The following FAM193A variants were observed in gnomAD, a reference collection of about 807,000 sequenced individuals.
The protein encoded by FAM193A is family with sequence similarity 193 member A.
A neutral mutation model predicts 126.5 loss-of-function variants in FAM193A; 22 were observed. The ratio of observed to expected loss-of-function variants is 0.17; its 90% CI spans 0.12 to 0.25. The LOEUF (loss-of-function observed/expected upper bound fraction) is 0.25, where lower values mean the gene tolerates loss of function less well. Among genes scored for constraint, FAM193A ranks in the 10% least tolerant of loss-of-function variants. FAM193A has a pLI of 1.00. For missense variants in FAM193A, 1,675 were observed against 1,672.8 expected (o/e 1.00, Z -0.02); for synonymous variants, 761 against 646.8 (o/e 1.18, Z -2.68).
At position 2,639,868 on chromosome 4, in the gene FAM193A, C is replaced by T. The variant is rs958058030; in HGVS notation, c.1163+9C>T. 1 of 1,612,608 alleles carries T rather than the reference C, an allele frequency of 6.2e-7. No homozygotes were observed. The highest frequency in any genetic ancestry group is 8.5e-7 in the Non-Finnish European group (1 of 1,179,250). On this transcript the variant is annotated intron_variant, in intron 6 of 20. Transcript: ENST00000637812. ...CTGGTGTCACAGATCAGGTATTTTG[C>T]CTTAACCCGTATGTGTCTTTGTGGT...
rs1257524267 is a variant in FAM193A, at chr4:2,625,330, C to T, written c.570C>T (p.Leu190=). The T allele has an allele frequency of 7.1e-6, 5 of 703,044 alleles. No homozygotes were observed. Among genetic ancestry groups the T allele is most frequent in the South Asian group, 1.5e-5 (1 of 67,602 alleles). The allele number at this position is 703,044 out of a possible 1,614,324, so 43.6% of individuals were successfully genotyped here. Residue 190 remains leucine, a synonymous_variant, in exon 3 of 21, where the codon CTC becomes CTT. Coordinates refer to ENST00000637812, the MANE Select transcript of FAM193A (RefSeq NM_001366318.2). ...SQPEAGSGGR[L]ALGAQTLPSD... ...CAGAGGCCGGCAGTGGTGGGAGGCT[C>T]GCTCTGGGTGCACAGACGCTGCCTT...
intron 20 of FAM193A, among the ~76,000 whole-genome samples, chr4:2,717,837 A>G (rs1172938579): frequency 2.6e-5 from 4 of 151,262 alleles, no homozygotes; most frequent in Non-Finnish European, 5.9e-5. Flanking sequence ...TATTTTTAGT[A>G]GAGACGAGGT....
chr4:2,563,034 T>G (rs532804466), intron 1 of FAM193A, among the ~76,000 whole-genome samples: 1 of 152,008 alleles, frequency 6.6e-6, no homozygotes, highest in East Asian at 1.9e-4. Context: ...AACCTCTGCC[T>G]CCCAGATTCA....
chr4:2,639,288 A>G (rs1023114638), intron 5 of FAM193A, among the ~76,000 whole-genome samples: 1 of 152,200 alleles, frequency 6.6e-6, no homozygotes, highest in African/African-American at 2.4e-5. Context: ...AATTGTGTGT[A>G]TTAATTAGAA....
At chr4:2,637,472 GA>G (rs1338130976) in intron 5 of FAM193A, among the ~76,000 whole-genome samples, 1 of 152,170 alleles carries the variant, frequency 6.6e-6, no homozygotes, top group Non-Finnish European at 1.5e-5. Flanking sequence ...CATCGACAAA[GA>G]CAGAAAGATC....
At chr4:2,634,914 C>T (rs1411238658) in intron 5 of FAM193A, among the ~76,000 whole-genome samples, 1 of 152,278 alleles carries the variant, frequency 6.6e-6, no homozygotes, top group African/African-American at 2.4e-5. Flanking sequence ...TACCCAGATG[C>T]GCAGTTAATC....
intron 5 of FAM193A, among the ~76,000 whole-genome samples, chr4:2,635,974 A>G (rs959689289): frequency 6.6e-6 from 1 of 151,812 alleles, no homozygotes; most frequent in African/African-American, 2.4e-5. Context: ...AACTTTTTAC[A>G]GATAATGTAG....
chr4:2,547,106 G>A (rs766506795), intron 1 of FAM193A, among the ~76,000 whole-genome samples: 2 of 152,106 alleles, frequency 1.3e-5, no homozygotes, highest in Non-Finnish European at 2.9e-5. Flanking sequence ...CCTTTTTGTG[G>A]GCTGGGCGTG....
chr4:2,538,139 T>C (rs1737001812), intron 1 of FAM193A, among the ~76,000 whole-genome samples: 1 of 152,166 alleles, frequency 6.6e-6, no homozygotes. Flanking sequence ...GATATTGCAA[T>C]TAAAAAATGA....
rs1743521063 is a variant in FAM193A at position 2,631,052 on chromosome 4, G to A, written c.921G>A (p.Lys307=). Residue 307 remains lysine, a synonymous_variant, in exon 5 of 21, where the codon AAG becomes AAA. Coordinates refer to ENST00000637812, the MANE Select transcript of FAM193A (RefSeq NM_001366318.2). The part of the protein sequence containing the change: ...LRQLSAAAKV[K]APSGLQGPPQ... ...AGCTGTCGGCTGCGGCCAAGGTGAA[G>A]GCACCATCTGGCCTGCAGGGCCCGC... is the stretch of plus-strand genomic sequence containing the variant. 6.2e-7 allele frequency: 1 copy of A among 1,613,444 alleles called. No homozygotes were observed. The highest frequency in any genetic ancestry group is 8.5e-7 in the Non-Finnish European group (1 of 1,180,032).
intron 1 of FAM193A, among the ~76,000 whole-genome samples, chr4:2,564,262 T>G (rs946415044): frequency 1.3e-5 from 2 of 152,044 alleles, no homozygotes; most frequent in African/African-American, 4.8e-5. Context: ...TTTTTATTTT[T>G]TGTAGAGACG....
Position 2,659,579 on chromosome 4 carries a change from A to T in FAM193A, c.1411A>T (p.Thr471Ser), listed in dbSNP as rs762935808. ...CTAGTTAACCAATAAGAAAGCAGTT[A>T]CTGGCGAGAACAACTTCACAGACAC... is the stretch of plus-strand genomic sequence containing the variant. ...EEQLTNKKAV[T>S]GENNFTDTMR... The change falls in exon 9 of 21, where the codon ACT (threonine) becomes TCT (serine). Residue 471 changes from threonine to serine, a missense_variant. Physicochemically the swap from Thr to Ser is moderately conservative, Grantham distance 58 (BLOSUM62 1). Transcript: ENST00000637812. 3.1e-6 allele frequency: 5 copies of T among 1,613,960 alleles called. No individual in the cohort carries two copies. The Admixed American group carries it at 6.7e-5, about 22-fold the overall frequency.
At chr4:2,714,509 C>G (rs957047781) in intron 19 of FAM193A, among the ~76,000 whole-genome samples, 1 of 152,138 alleles carries the variant, frequency 6.6e-6, no homozygotes, top group African/African-American at 2.4e-5. Flanking sequence ...TCCTAGACCA[C>G]CCAGTCCCAG....
intron 10 of FAM193A, among the ~76,000 whole-genome samples, chr4:2,660,450 G>C (rs771000844): frequency 6.6e-6 from 1 of 152,182 alleles, no homozygotes; most frequent in Non-Finnish European, 1.5e-5. Context: ...TTAGCAAGCA[G>C]TTGAAGGTTT....
intron 20 of FAM193A, among the ~76,000 whole-genome samples, chr4:2,720,612 C>G (rs1720024343): frequency 6.7e-6 from 1 of 149,812 alleles, no homozygotes; most frequent in Admixed American, 6.7e-5. Flanking sequence ...AGATGCACCA[C>G]TGTGCTCCAG....
In FAM193A at chr4:2,672,184, C is replaced by G. The variant is rs1252526852; in HGVS notation, c.2143C>G (p.Pro715Ala). The G allele has an allele frequency of 6.2e-7, 1 of 1,614,052 alleles. No individual in the cohort carries two copies. The highest frequency in any genetic ancestry group is 1.3e-5 in the African/African-American group (1 of 74,928). The change falls in exon 13 of 21, where the codon CCA becomes GCA. Residue 715 changes from proline to alanine, a missense_variant. Physicochemically the swap from Pro to Ala is conservative, Grantham distance 27. Coordinates refer to ENST00000637812, the MANE Select transcript of FAM193A (RefSeq NM_001366318.2). ...VCKQEASGLT[P>A]SAMTAGALPP... ...TAAGCAGGAAGCTTCTGGACTGACACCATCTGCAATGACAGCCGGAGCCCT... is the reference window on the plus strand; with the variant it reads ...TAAGCAGGAAGCTTCTGGACTGACAGCATCTGCAATGACAGCCGGAGCCCT...
At chr4:2,712,270 G>A (rs1719062430) in intron 19 of FAM193A, among the ~76,000 whole-genome samples, 2 of 152,174 alleles carry the variant, frequency 1.3e-5, no homozygotes, top group East Asian at 1.9e-4. Flanking sequence ...CATTAATTCT[G>A]TTGTTTAGTC....
intron 1 of FAM193A, among the ~76,000 whole-genome samples, chr4:2,549,376 C>T (rs539738461): frequency 3.3e-5 from 5 of 150,478 alleles, no homozygotes; most frequent in Non-Finnish European, 7.4e-5. Flanking sequence ...ATTTTTTTCC[C>T]TCTATGTTTT....
chr4:2,670,131 ATCTCT>A (rs1560546205), intron 12 of FAM193A, among the ~76,000 whole-genome samples: 1 of 151,888 alleles, frequency 6.6e-6, no homozygotes, highest in Admixed American at 6.6e-5. Flanking sequence ...CTTTCCCCTC[ATCTCT>A]TCTCTCTCTT....
Sources: allele counts gnomAD v4.1 joint callset (sites outside exome capture counted in the v4.1 genomes callset), GRCh38; gene constraint gnomAD v4.1.1; transcripts MANE v1.5; gene names NCBI Gene and HGNC (gene_info 2026-07-23, HGNC 2026-07-21).